The following CFAP45 variants were observed in gnomAD, a reference collection of about 807,000 sequenced individuals.
The protein encoded by CFAP45 is cilia and flagella associated protein 45.
Under a neutral mutation model 75.6 loss-of-function variants are expected in CFAP45, and 43 were observed. The observed-to-expected ratio is 0.57, with a 90% CI of 0.45 to 0.73. The LOEUF (loss-of-function observed/expected upper bound fraction) is 0.73. Ranked by LOEUF, CFAP45 falls within the 30% of genes least tolerant of loss-of-function variation. The pLI is 0.00. For synonymous variants in CFAP45, 223 were observed against 244.6 expected, an observed-to-expected ratio of 0.91 and a Z score of 0.82; for missense variants, 689 against 701.5, an observed-to-expected ratio of 0.98 and a Z score of 0.20.
At chr1:159,898,781 GT>G (rs1446686207) in intron 1 of CFAP45, among the ~76,000 whole-genome samples, 4 of 152,214 alleles carry the variant, frequency 2.6e-5, no homozygotes, top group African/African-American at 7.2e-5. Context: ...ACGCCACTGT[GT>G]TTGTAAGGTG....
chr1:159,887,784 G>A (rs1163996235), intron 5 of CFAP45, 57 bp downstream of exon 5: 3 of 1,542,562 alleles, frequency 1.9e-6, no homozygotes, highest in Non-Finnish European at 2.6e-6. Context: ...GGGAATAAGG[G>A]GAGGGCGGAG....
intron 2 of CFAP45, among the ~76,000 whole-genome samples, chr1:159,891,416 A>C (rs1356929327): frequency 6.6e-6 from 1 of 152,198 alleles, no homozygotes; most frequent in Non-Finnish European, 1.5e-5. Context: ...TGACCTGCAG[A>C]GGCCTACCCT....
chr1:159,887,725 C>T (rs74387400), intron 5 of CFAP45, 116 bp downstream of exon 5: 19,610 of 1,064,532 alleles, frequency 0.018, 528 homozygotes, highest in African/African-American at 0.11. Flanking sequence ...AGCTCTCCCC[C>T]GCCCCACCCC....
chr1:159,886,815 G>A, intron 5 of CFAP45, 126 bp from the exon 6 acceptor site: 3 of 741,978 alleles, frequency 4.0e-6, no homozygotes, highest in Non-Finnish European at 6.9e-6. Flanking sequence ...ACAAGTCCGG[G>A]GAAATAAGAA....
At chr1:159,882,019 T>C (rs12080085) in intron 7 of CFAP45, among the ~76,000 whole-genome samples, 79 of 152,354 alleles carry the variant, frequency 5.2e-4, no homozygotes, top group African/African-American at 1.9e-3. Context: ...TCTCCCTGTG[T>C]GTCTTCCTGT....
intron 10 of CFAP45, among the ~76,000 whole-genome samples, chr1:159,874,713 C>T (rs1203443938): frequency 6.6e-6 from 1 of 152,180 alleles, no homozygotes; most frequent in East Asian, 1.9e-4. Flanking sequence ...GGGCAGTGAT[C>T]ACAGAGCCTA....
chr1:159,890,191 CCT>C (rs1234669131), intron 3 of CFAP45, among the ~76,000 whole-genome samples: 2 of 152,184 alleles, frequency 1.3e-5, no homozygotes, highest in African/African-American at 2.4e-5. Flanking sequence ...TCACTAAGCA[CCT>C]CCTCTCTACC....
chr1:159,890,026 CT>C (rs1167100767), intron 3 of CFAP45, among the ~76,000 whole-genome samples: 4 of 152,206 alleles, frequency 2.6e-5, no homozygotes, highest in Admixed American at 6.5e-5. Context: ...CTGTGAATTT[CT>C]TCCTATGGCC....
At chr1:159,880,473 G>T in intron 8 of CFAP45, 81 bp downstream of exon 8, 1 of 1,320,116 alleles carries the variant, frequency 7.6e-7, no homozygotes, top group Non-Finnish European at 1.0e-6. Flanking sequence ...TTCCACTGGA[G>T]TTCCCTTAGT....
chr1:159,878,279 C>T (rs1243388157), intron 8 of CFAP45, among the ~76,000 whole-genome samples: 3 of 152,208 alleles, frequency 2.0e-5, no homozygotes, highest in Non-Finnish European at 2.9e-5. Context: ...GCCAACCATG[C>T]TTTGGGCAGT....
At position 159,900,076 on chromosome 1, in the gene CFAP45, C is replaced by CA. The variant is rs1557918465; in HGVS notation, c.3+19dup. 6.2e-7 allele frequency: 1 copy of CA among 1,614,084 alleles called. No individual in the cohort carries two copies. The highest frequency in any genetic ancestry group is 8.5e-7 in the Non-Finnish European group (1 of 1,179,954). On this transcript the variant is annotated intron_variant, in intron 1 of 11. Coordinates refer to ENST00000368099, the MANE Select transcript of CFAP45 (RefSeq NM_012337.3). ...CACCCAATTCAGGACACAAGGGGCC[C>CA]ATCTGAGGTTCTCCCTCACCATCTC...
chr1:159,893,145 G>A (rs372096436), intron 2 of CFAP45, 35 bp downstream of exon 2: 23 of 1,611,022 alleles, frequency 1.4e-5, no homozygotes, highest in Non-Finnish European at 2.0e-5. Flanking sequence ...CTGCCTGCAG[G>A]TGGCATCAAC....
chr1:159,891,445 C>A (rs1419361388), intron 2 of CFAP45, among the ~76,000 whole-genome samples: 41 of 152,302 alleles, frequency 2.7e-4, no homozygotes, highest in Admixed American at 2.4e-3. Flanking sequence ...AAGGGTAGCT[C>A]TCTGCCAGCT....
rs1649408533 is a variant in CFAP45, at chr1:159,876,621, A to G, written c.1287T>C (p.Ala429=). Residue 429 remains alanine, a synonymous_variant, in exon 10 of 12, where the codon GCT becomes GCC. Coordinates refer to ENST00000368099, the MANE Select transcript of CFAP45 (RefSeq NM_012337.3). ...GAACAGCCAGAGCGTGCTCCTTGAA[A>G]GCCACCTGTTCGAGCCGACTTTTTC... is the stretch of plus-strand genomic sequence containing the variant. The part of the protein sequence containing the change: ...ELRKSRLEQV[A]FKEHALAVQV... 1 of 1,614,056 alleles carries G rather than the reference A, an allele frequency of 6.2e-7. No homozygotes were observed. Among genetic ancestry groups the G allele is most frequent in the Non-Finnish European group, 8.5e-7 (1 of 1,180,036 alleles).
chr1:159,890,355 G>T, intron 3 of CFAP45, 125 bp downstream of exon 3: 2 of 850,296 alleles, frequency 2.4e-6, no homozygotes, highest in Non-Finnish European at 3.8e-6. Flanking sequence ...AGGGGAAAAC[G>T]AATAGGAAAG....
Position 159,876,563 on chromosome 1 carries a change from TC to T in CFAP45, c.1344del (p.Ile449PhefsTer77). On this transcript the variant is annotated frameshift_variant, in exon 10 of 12. Coordinates refer to ENST00000368099, the MANE Select transcript of CFAP45 (RefSeq NM_012337.3). LOFTEE classifies it high-confidence loss of function. The stretch of plus-strand genomic sequence containing the variant: ...TTCCCAGGCCCCTCCTACCGAAGAA[TC>T]CTCTCGAACTCATCCCGGTCCCGTT... ...QVQRDRDEFE[R>X]ILRAQREQIE... 1 of 1,612,694 alleles carries T rather than the reference TC, an allele frequency of 6.2e-7. No individual in the cohort carries two copies.
chr1:159,892,510 T>C (rs186178020), intron 2 of CFAP45, among the ~76,000 whole-genome samples: 16 of 152,316 alleles, frequency 1.1e-4, no homozygotes, highest in Non-Finnish European at 1.9e-4. Flanking sequence ...AGGTCACTAC[T>C]AGTGTCTCTC....
Position 159,877,429 on chromosome 1 carries a change from T to G in CFAP45, c.1078A>C (p.Arg360=). The G allele has an allele frequency of 6.2e-7, 1 of 1,614,086 alleles. No individual in the cohort carries two copies. Among genetic ancestry groups the G allele is most frequent in the African/African-American group, 1.3e-5 (1 of 75,028 alleles). The part of the protein sequence containing the change: ...REAEFEAEQE[R]IRREKEKEIA... Reference sequence around the variant, plus strand: ...TCCTTCTCTTTCTCCCTCCGGATTCTCTCCTGCTCAGCCTCAAACTCTGCT... The same window carrying G: ...TCCTTCTCTTTCTCCCTCCGGATTCGCTCCTGCTCAGCCTCAAACTCTGCT... The change falls in exon 9 of 12, where the codon AGA becomes CGA. Residue 360 remains arginine, a synonymous_variant. Transcript: ENST00000368099.
rs537535891 is a variant in CFAP45 at position 159,891,610 on chromosome 1, G to A, written c.130-988C>T. On this transcript the variant is annotated intron_variant, in intron 2 of 11. Transcript: ENST00000368099. Reference sequence around the variant, plus strand: ...TGTTTCAGAAAATGTCTAAACACAGGAAAGGATGTGTCATTAATGCAGCCA... The same window carrying A: ...TGTTTCAGAAAATGTCTAAACACAGAAAAGGATGTGTCATTAATGCAGCCA... Among the ~76,000 whole-genome samples, 3 of 152,302 alleles carry A rather than the reference G, an allele frequency of 2.0e-5. No individual in the cohort carries two copies. In the South Asian group the frequency reaches 6.2e-4, roughly 32 times the overall value.
Sources: gnomAD v4.1 joint callset for allele counts (sites outside exome capture counted in the v4.1 genomes callset) on GRCh38, gnomAD v4.1.1 for gene constraint, MANE v1.5 for transcripts, NCBI Gene and HGNC (gene_info 2026-07-23, HGNC 2026-07-21) for gene names.